LRRTM4: variants seen among roughly 807,000 people sequenced by gnomAD.
The protein encoded by LRRTM4 is leucine rich repeat transmembrane neuronal 4.
LRRTM4 carries 25 observed loss-of-function variants against 47.6 expected under a neutral mutation model. The ratio of observed to expected loss-of-function variants is 0.53; its 90% confidence interval spans 0.38 to 0.73. LRRTM4 has a LOEUF of 0.73. Among genes scored for constraint, LRRTM4 ranks in the 30% least tolerant of loss-of-function variants. LRRTM4 has a pLI of 0.00. For synonymous variants in LRRTM4, 311 were observed against 269.5 expected (o/e 1.15, Z -1.51); for missense variants, 638 against 713.4 (o/e 0.89, Z 1.20).
chr2:76,855,027 T>C (rs895789309), intron 3 of LRRTM4, among the ~76,000 whole-genome samples: 8 of 152,206 alleles, frequency 5.3e-5, no homozygotes, highest in Admixed American at 2.0e-4. Flanking sequence ...ATAGGACGCA[T>C]TGAGTCAGTG....
chr2:77,076,457 A>C (rs2103843074), intron 3 of LRRTM4, among the ~76,000 whole-genome samples: 1 of 152,308 alleles, frequency 6.6e-6, no homozygotes, highest in Non-Finnish European at 1.5e-5. Context: ...ATAGTCAGAG[A>C]ATGAAACAAG....
intron 3 of LRRTM4, among the ~76,000 whole-genome samples, chr2:77,188,339 G>T: frequency 6.6e-6 from 1 of 152,106 alleles, no homozygotes; most frequent in Non-Finnish European, 1.5e-5. Context: ...TCCAAAGGTT[G>T]CTCTGGCTAC....
chr2:76,983,356 C>G (rs1676678842), intron 3 of LRRTM4, among the ~76,000 whole-genome samples: 1 of 152,024 alleles, frequency 6.6e-6, no homozygotes, highest in South Asian at 2.1e-4. Flanking sequence ...TAATAATCCC[C>G]AGGTGTCAAG....
At chr2:77,001,861 T>C (rs1291076874) in intron 3 of LRRTM4, among the ~76,000 whole-genome samples, 2 of 152,156 alleles carry the variant, frequency 1.3e-5, no homozygotes, top group Non-Finnish European at 2.9e-5. Flanking sequence ...ACAATCCCTT[T>C]CTTTTCGAGA....
intron 3 of LRRTM4, among the ~76,000 whole-genome samples, chr2:77,344,309 T>C (rs1414469236): frequency 6.6e-6 from 1 of 151,802 alleles, no homozygotes; most frequent in Non-Finnish European, 1.5e-5. Flanking sequence ...GCCATTACAA[T>C]GATGCTTTAG....
intron 3 of LRRTM4, among the ~76,000 whole-genome samples, chr2:76,764,736 C>T (rs181751830): frequency 1.3e-5 from 2 of 152,294 alleles, no homozygotes; most frequent in East Asian, 3.9e-4. Context: ...GACTGCTGAA[C>T]TTCTTGGATC....
At chr2:77,026,389 C>A (rs1678454601) in intron 3 of LRRTM4, among the ~76,000 whole-genome samples, 1 of 152,080 alleles carries the variant, frequency 6.6e-6, no homozygotes, top group Non-Finnish European at 1.5e-5. Context: ...GAATCAAGTA[C>A]ATGCTGCCAG....
At chr2:76,864,851 C>CTT (rs1672420240) in intron 3 of LRRTM4, among the ~76,000 whole-genome samples, 1 of 148,890 alleles carries the variant, frequency 6.7e-6, no homozygotes, top group African/African-American at 2.5e-5. Context: ...CTCAGCCTCT[C>CTT]GAGTAGCTGG....
intron 3 of LRRTM4, among the ~76,000 whole-genome samples, chr2:77,087,555 A>T (rs538900928): frequency 6.6e-6 from 1 of 152,274 alleles, no homozygotes; most frequent in Non-Finnish European, 1.5e-5. Flanking sequence ...TTTGCAAATT[A>T]CATCTTGAGA....
At chr2:77,322,880 C>T (rs958713295) in intron 3 of LRRTM4, among the ~76,000 whole-genome samples, 1 of 150,428 alleles carries the variant, frequency 6.6e-6, no homozygotes, top group Non-Finnish European at 1.5e-5. Flanking sequence ...TGTATGTAAC[C>T]AGTTTTTCAA....
At chr2:77,343,193 T>G (rs763999622) in intron 3 of LRRTM4, among the ~76,000 whole-genome samples, 3 of 152,002 alleles carry the variant, frequency 2.0e-5, no homozygotes, top group Non-Finnish European at 4.4e-5. Context: ...CCAAAAGAGC[T>G]CTACAGACAC....
chr2:77,070,975 T>C (rs1033070550), intron 3 of LRRTM4, among the ~76,000 whole-genome samples: 6 of 152,170 alleles, frequency 3.9e-5, no homozygotes, highest in African/African-American at 1.2e-4. Flanking sequence ...TTTCAGAATA[T>C]TGACATTTGA....
chr2:77,201,328 A>G (rs1395660053), intron 3 of LRRTM4, among the ~76,000 whole-genome samples: 1 of 152,026 alleles, frequency 6.6e-6, no homozygotes, highest in African/African-American at 2.4e-5. Context: ...AGAAAAGCAA[A>G]CTGTTATATT....
intron 3 of LRRTM4, among the ~76,000 whole-genome samples, chr2:76,814,794 TACACACACACATACACACACACACACAC>T (rs1173636776): frequency 2.0e-5 from 3 of 149,628 alleles, no homozygotes; most frequent in South Asian, 2.1e-4. Flanking sequence ...GGCTTCAAGA[TACACACACACATACACACACACACACAC>T]ACACACACAC....
intron 3 of LRRTM4, among the ~76,000 whole-genome samples, chr2:76,773,242 A>T (rs1673792335): frequency 6.6e-6 from 1 of 152,228 alleles, no homozygotes; most frequent in South Asian, 2.1e-4. Flanking sequence ...GCAAACCCAG[A>T]TGGCCTAATC....
intron 3 of LRRTM4, among the ~76,000 whole-genome samples, chr2:77,204,069 T>C (rs575073451): frequency 1.4e-4 from 22 of 152,266 alleles, no homozygotes; most frequent in Admixed American, 7.2e-4. Context: ...CATTAAACTA[T>C]GCAGCATAGG....
chr2:77,184,702 C>T (rs1469123573), intron 3 of LRRTM4, among the ~76,000 whole-genome samples: 1 of 152,038 alleles, frequency 6.6e-6, no homozygotes, highest in Non-Finnish European at 1.5e-5. Context: ...AAGCACAATT[C>T]AGAAAAACTG....
intron 3 of LRRTM4, among the ~76,000 whole-genome samples, chr2:77,477,170 T>G (rs1181020243): frequency 2.0e-5 from 3 of 152,082 alleles, no homozygotes; most frequent in Non-Finnish European, 1.5e-5. Flanking sequence ...ATCATGAAGA[T>G]AGAGTGCACA....
intron 3 of LRRTM4, among the ~76,000 whole-genome samples, chr2:77,084,258 G>A (rs771313049): frequency 7.9e-5 from 12 of 152,116 alleles, no homozygotes; most frequent in East Asian, 1.9e-4. Context: ...CTTAGATTCC[G>A]ACACTTGTAA....
Sources: allele counts gnomAD v4.1 joint callset (sites outside exome capture counted in the v4.1 genomes callset), GRCh38; gene constraint gnomAD v4.1.1; transcripts MANE v1.5; gene names NCBI Gene and HGNC (gene_info 2026-07-23, HGNC 2026-07-21).